Variants in TASP1 observed in about 807,000 individuals in gnomAD.
TASP1 encodes the protein taspase 1, also known as threonine aspartase 1.
A neutral mutation model predicts 56.6 loss-of-function variants in TASP1; 16 were observed. That is an observed-to-expected ratio of 0.28 (90% CI 0.19 to 0.43). TASP1 has a LOEUF of 0.43. Ranked by LOEUF, TASP1 falls within the 20% of genes least tolerant of loss-of-function variation. The pLI is 1.00. For synonymous variants in TASP1, 179 were observed against 184.2 expected, an observed-to-expected ratio of 0.97 and a Z score of 0.23; for missense variants, 393 against 511.6, an observed-to-expected ratio of 0.77 and a Z score of 2.24.
At chr20:13,387,992 T>C (rs1311369574), downstream of TASP1, among the ~76,000 whole-genome samples, 1 of 152,206 alleles carries the variant, frequency 6.6e-6, no homozygotes, top group African/African-American at 2.4e-5. Context: ...GATGCCCCTG[T>C]TTCCAAATCC....
the TASP1 span, among the ~76,000 whole-genome samples, chr20:13,341,748 G>T: frequency 6.6e-6 from 1 of 152,182 alleles, no homozygotes; most frequent in Non-Finnish European, 1.5e-5. Context: ...AGATGAGTTG[G>T]TTGGTTCTTC....
At chr20:13,109,331 T>A in the TASP1 span, among the ~76,000 whole-genome samples, 4 of 152,230 alleles carry the variant, frequency 2.6e-5, no homozygotes, top group African/African-American at 9.6e-5. Flanking sequence ...AAGGGTAGTG[T>A]TACAAATGTG....
chr20:13,408,427 C>T (rs952055878), intron 13 of TASP1, among the ~76,000 whole-genome samples: 6 of 152,096 alleles, frequency 3.9e-5, no homozygotes, highest in Admixed American at 1.3e-4. Context: ...TAAGCATCTC[C>T]GCATATATAT....
chr20:13,478,907 CTCTT>C (rs1440424563), intron 11 of TASP1, among the ~76,000 whole-genome samples: 2 of 152,048 alleles, frequency 1.3e-5, no homozygotes, highest in Non-Finnish European at 2.9e-5. Flanking sequence ...ACAGACAAAT[CTCTT>C]TCAGTAGAGG....
chr20:13,268,465 G>A, the TASP1 span, among the ~76,000 whole-genome samples: 2 of 148,832 alleles, frequency 1.3e-5, no homozygotes, highest in African/African-American at 5.0e-5. Context: ...GTCTCAAAAT[G>A]TCAGGGCAAC....
chr20:13,588,020 G>A (rs889115543), intron 4 of TASP1, among the ~76,000 whole-genome samples: 9 of 151,950 alleles, frequency 5.9e-5, no homozygotes, highest in Admixed American at 6.6e-5. Flanking sequence ...CCAGCTGCTC[G>A]GGAGGCTGAG....
chr20:13,133,377 T>G, the TASP1 span, among the ~76,000 whole-genome samples: 1 of 151,342 alleles, frequency 6.6e-6, no homozygotes, highest in African/African-American at 2.4e-5. Context: ...GACCCTGTAG[T>G]CACTCTTTCC....
At chr20:13,430,892 A>G (rs1308668215) in intron 12 of TASP1, among the ~76,000 whole-genome samples, 1 of 152,194 alleles carries the variant, frequency 6.6e-6, no homozygotes, top group Non-Finnish European at 1.5e-5. Flanking sequence ...GAAGCAGCCC[A>G]CTGGAGCTCT....
the TASP1 span, among the ~76,000 whole-genome samples, chr20:13,189,447 C>T: frequency 1.6e-4 from 24 of 151,866 alleles, no homozygotes; most frequent in Admixed American, 1.4e-3. Context: ...AGGAACTTAA[C>T]CAAATTTACA....
At chr20:13,525,044 G>A (rs1488820210) in intron 10 of TASP1, among the ~76,000 whole-genome samples, 1 of 152,124 alleles carries the variant, frequency 6.6e-6, no homozygotes, top group Non-Finnish European at 1.5e-5. Flanking sequence ...TTCCTGTAAA[G>A]CAACCACCAT....
intron 11 of TASP1, among the ~76,000 whole-genome samples, chr20:13,461,945 G>A (rs1242766161): frequency 1.3e-5 from 2 of 152,138 alleles, no homozygotes; most frequent in African/African-American, 2.4e-5. Context: ...TTGTGGAGGA[G>A]ACAATCATGT....
At chr20:13,172,092 G>C in the TASP1 span, among the ~76,000 whole-genome samples, 1 of 151,952 alleles carries the variant, frequency 6.6e-6, no homozygotes, top group East Asian at 1.9e-4. Flanking sequence ...ACGACAAAGA[G>C]GATACATACA....
At chr20:13,533,804 A>G (rs2045314897) in intron 9 of TASP1, among the ~76,000 whole-genome samples, 1 of 152,186 alleles carries the variant, frequency 6.6e-6, no homozygotes. Flanking sequence ...ACTAGGATCA[A>G]CGATTGTAAA....
chr20:13,631,889 C>A (rs1223031304), intron 1 of TASP1, among the ~76,000 whole-genome samples: 1 of 151,510 alleles, frequency 6.6e-6, no homozygotes, highest in Non-Finnish European at 1.5e-5. Context: ...CATGGTGAAA[C>A]CCTGTCTCTA....
intron 10 of TASP1, among the ~76,000 whole-genome samples, chr20:13,491,607 G>C (rs1290263109): frequency 6.6e-6 from 1 of 152,118 alleles, no homozygotes; most frequent in East Asian, 1.9e-4. Context: ...ATTAAATATA[G>C]GGATTGTGAC....
intron 12 of TASP1, among the ~76,000 whole-genome samples, chr20:13,433,535 A>AAAAAAATAC (rs2042890120): frequency 1.3e-5 from 2 of 151,518 alleles, no homozygotes; most frequent in African/African-American, 2.4e-5. Context: ...AAAAAAAAAA[A>AAAAAAATAC]AAAAAATACA....
At chr20:13,509,656 G>A (rs1446012412) in intron 10 of TASP1, among the ~76,000 whole-genome samples, 1 of 152,074 alleles carries the variant, frequency 6.6e-6, no homozygotes, top group African/African-American at 2.4e-5. Flanking sequence ...TTGAGAAGGA[G>A]TCTCTGTCAC....
At chr20:13,129,291 T>C in the TASP1 span, among the ~76,000 whole-genome samples, 1 of 152,178 alleles carries the variant, frequency 6.6e-6, no homozygotes, top group East Asian at 1.9e-4. Context: ...CGTGAGCCAC[T>C]GTGCCTGTCT....
the TASP1 span, among the ~76,000 whole-genome samples, chr20:13,117,165 T>C: frequency 6.6e-6 from 1 of 152,254 alleles, no homozygotes; most frequent in African/African-American, 2.4e-5. Context: ...TAATCAATTC[T>C]AGCAGAATAT....
Sources: allele counts gnomAD v4.1 joint callset (sites outside exome capture counted in the v4.1 genomes callset), GRCh38; gene constraint gnomAD v4.1.1; transcripts MANE v1.5; gene names NCBI Gene and HGNC (gene_info 2026-07-23, HGNC 2026-07-21).